TAFA5: variants seen among roughly 807,000 people sequenced by gnomAD.
TAFA5 encodes chemokine-like protein TAFA-5.
A neutral mutation model predicts 15.3 loss-of-function variants in TAFA5; 6 were observed. The observed-to-expected ratio is 0.39, with a 90% CI of 0.21 to 0.77. The LOEUF (loss-of-function observed/expected upper bound fraction) is 0.77, where lower values mean the gene tolerates loss of function less well. TAFA5 is among the 30% of genes least tolerant of loss of function. The pLI is 0.41. For missense variants in TAFA5, 161 were observed against 193.1 expected, an observed-to-expected ratio of 0.83 and a Z score of 0.98; for synonymous variants, 103 against 80.7, an observed-to-expected ratio of 1.28 and a Z score of -1.48.
intron 1 of TAFA5, among the ~76,000 whole-genome samples, chr22:48,631,363 C>T (rs145450090): frequency 0.013 from 1,965 of 152,330 alleles, 28 homozygotes; most frequent in African/African-American, 0.044. Context: ...CACGCCTGCC[C>T]GGCCTTTCCA....
chr22:48,730,662 C>T (rs185501204), intron 3 of TAFA5, among the ~76,000 whole-genome samples: 7 of 152,168 alleles, frequency 4.6e-5, no homozygotes, highest in East Asian at 3.9e-4. Flanking sequence ...ATATCTGTTA[C>T]GGTGATCTGT....
At chr22:48,716,929 CAAT>C (rs1210956059) in intron 3 of TAFA5, among the ~76,000 whole-genome samples, 2 of 152,122 alleles carry the variant, frequency 1.3e-5, no homozygotes, top group Non-Finnish European at 2.9e-5. Flanking sequence ...GAAAGGAAAA[CAAT>C]AATCAGAAAA....
chr22:48,705,242 G>C (rs1159214830), intron 2 of TAFA5, among the ~76,000 whole-genome samples: 1 of 152,142 alleles, frequency 6.6e-6, no homozygotes, highest in East Asian at 1.9e-4. Context: ...GAAGGTGCCG[G>C]GGGTGGGGTG....
At position 48,707,770 on chromosome 22, in the gene TAFA5, G is replaced by A; in HGVS notation, c.316G>A (p.Glu106Lys). 1 of 1,613,942 alleles carries A rather than the reference G, an allele frequency of 6.2e-7. No homozygotes were observed. The highest frequency in any genetic ancestry group is 8.5e-7 in the Non-Finnish European group (1 of 1,179,878). ...WCDMLPCLEG[E>K]GCDLLINRSG... Reference sequence around the variant, plus strand: ...TGACATGCTTCCGTGTCTGGAGGGGGAAGGCTGCGACTTGTTAATCAACCG... The same window carrying A: ...TGACATGCTTCCGTGTCTGGAGGGGAAAGGCTGCGACTTGTTAATCAACCG... Residue 106 changes from glutamate to lysine, a missense_variant, in exon 3 of 4, where the codon GAA (glutamate) becomes AAA (lysine). Coordinates refer to ENST00000402357, the MANE Select transcript of TAFA5 (RefSeq NM_001082967.3).
At chr22:48,512,252 G>A (rs1277408293) in intron 1 of TAFA5, among the ~76,000 whole-genome samples, 1 of 152,176 alleles carries the variant, frequency 6.6e-6, no homozygotes, top group East Asian at 1.9e-4. Flanking sequence ...CTCGCTGCGC[G>A]GCCACAGTGC....
intron 1 of TAFA5, among the ~76,000 whole-genome samples, chr22:48,542,591 TG>T (rs1172701486): frequency 4.1e-5 from 5 of 121,602 alleles, no homozygotes; most frequent in African/African-American, 1.6e-4. Context: ...TGCGGGTGTG[TG>T]GTGTGTATGT....
At chr22:48,657,735 G>A (rs1927298089) in intron 2 of TAFA5, among the ~76,000 whole-genome samples, 1 of 152,144 alleles carries the variant, frequency 6.6e-6, no homozygotes, top group African/African-American at 2.4e-5. Context: ...CCCTGAGTAT[G>A]TAAAGGCGCT....
At chr22:48,707,323 G>C (rs130144) in intron 2 of TAFA5, among the ~76,000 whole-genome samples, 4 of 151,864 alleles carry the variant, frequency 2.6e-5, no homozygotes, top group African/African-American at 9.7e-5. Flanking sequence ...GGCTGCCCTC[G>C]CTGTATCTGA....
At chr22:48,568,748 A>C (rs1217144507) in intron 1 of TAFA5, among the ~76,000 whole-genome samples, 1 of 152,060 alleles carries the variant, frequency 6.6e-6, no homozygotes, top group Admixed American at 6.6e-5. Context: ...TCCTCCCCCC[A>C]CGAAGCCCAT....
chr22:48,504,651 G>A (rs1920976502), intron 1 of TAFA5, among the ~76,000 whole-genome samples: 2 of 152,196 alleles, frequency 1.3e-5, no homozygotes, highest in Admixed American at 1.3e-4. Context: ...TCCCTGTTTG[G>A]GGCTCACCTG....
At chr22:48,684,067 C>A (rs1322726954) in intron 2 of TAFA5, among the ~76,000 whole-genome samples, 2 of 152,122 alleles carry the variant, frequency 1.3e-5, no homozygotes, top group East Asian at 3.9e-4. Context: ...TGAAAACTGA[C>A]CAGTGCAATC....
chr22:48,611,720 C>T (rs895966023), intron 1 of TAFA5, among the ~76,000 whole-genome samples: 23 of 152,174 alleles, frequency 1.5e-4, no homozygotes, highest in African/African-American at 4.6e-4. Context: ...CACCCCTCTT[C>T]CTTCCACCTC....
At chr22:48,597,960 G>A (rs1282883567) in intron 1 of TAFA5, among the ~76,000 whole-genome samples, 1 of 152,234 alleles carries the variant, frequency 6.6e-6, no homozygotes, top group Non-Finnish European at 1.5e-5. Context: ...GCCCTCCATG[G>A]TGGGGGGAGT....
At chr22:48,535,893 C>A (rs1054830856) in intron 1 of TAFA5, among the ~76,000 whole-genome samples, 3 of 152,232 alleles carry the variant, frequency 2.0e-5, no homozygotes, top group African/African-American at 7.2e-5. Flanking sequence ...TGTGTGCACA[C>A]AGGCTGTGTG....
chr22:48,493,488 T>A (rs1236391175), intron 1 of TAFA5, among the ~76,000 whole-genome samples: 3 of 152,240 alleles, frequency 2.0e-5, no homozygotes. Flanking sequence ...TTAGGAGCGA[T>A]TAGAATATGT....
chr22:48,578,798 T>G (rs1923917588), intron 1 of TAFA5, among the ~76,000 whole-genome samples: 1 of 152,196 alleles, frequency 6.6e-6, no homozygotes, highest in Non-Finnish European at 1.5e-5. Context: ...AGACGGCCTT[T>G]TGGCCCCTTG....
rs368993266 is a variant in TAFA5, at chr22:48,592,483, C to T, written c.113-54114C>T. ...ACTCAGCTCTCTGCTGTCCTTGCCT[C>T]ATGCCCAGCCCTGGGTCCAGGTCTC... On this transcript the variant is annotated intron_variant, in intron 1 of 3. Transcript: ENST00000402357. Among the ~76,000 whole-genome samples, 5 of 152,370 alleles carry T rather than the reference C, an allele frequency of 3.3e-5. No homozygotes were observed. The East Asian group carries it at 7.7e-4, about 24-fold the overall frequency.
At chr22:48,595,166 C>A (rs896437959) in intron 1 of TAFA5, among the ~76,000 whole-genome samples, 3 of 152,174 alleles carry the variant, frequency 2.0e-5, no homozygotes, top group Non-Finnish European at 4.4e-5. Context: ...CCTGCATGCC[C>A]CAATTGGGGC....
intron 1 of TAFA5, among the ~76,000 whole-genome samples, chr22:48,630,098 G>GT (rs1926161932): frequency 6.6e-6 from 1 of 152,226 alleles, no homozygotes; most frequent in African/African-American, 2.4e-5. Flanking sequence ...AGCAGGTGGA[G>GT]TGGGAGGCTG....
Sources: gnomAD v4.1 joint callset for allele counts (sites outside exome capture counted in the v4.1 genomes callset) on GRCh38, gnomAD v4.1.1 for gene constraint, MANE v1.5 for transcripts, NCBI Gene and HGNC (gene_info 2026-07-23, HGNC 2026-07-21) for gene names.